TMEM74: variants seen among roughly 807,000 people sequenced by gnomAD.
The protein encoded by TMEM74 is transmembrane protein 74.
Under a neutral mutation model 18.1 loss-of-function variants are expected in TMEM74, and 13 were observed. That is an observed-to-expected ratio of 0.72 (90% CI 0.47 to 1.14). The LOEUF (loss-of-function observed/expected upper bound fraction) is 1.14. TMEM74 is among the 50% of genes most tolerant of loss of function. TMEM74 has a pLI of 0.00. For missense variants in TMEM74, 372 were observed against 375.9 expected, an observed-to-expected ratio of 0.99 and a Z score of 0.09; for synonymous variants, 159 against 146.6, an observed-to-expected ratio of 1.08 and a Z score of -0.61.
intron 1 of TMEM74, among the ~76,000 whole-genome samples, chr8:108,771,966 T>C (rs1814178140): frequency 6.6e-6 from 1 of 152,076 alleles, no homozygotes; most frequent in African/African-American, 2.4e-5. Context: ...TAAATGTTGC[T>C]TTAAAAAAAA....
At chr8:108,732,797 G>GTA (rs1813709265) in intron 1 of TMEM74, among the ~76,000 whole-genome samples, 14 of 105,322 alleles carry the variant, frequency 1.3e-4, no homozygotes, top group African/African-American at 4.5e-4. Context: ...ATATATATAT[G>GTA]TATATATATG....
intron 1 of TMEM74, among the ~76,000 whole-genome samples, chr8:108,754,665 AGGT>A (rs1813938806): frequency 1.3e-5 from 2 of 151,610 alleles, no homozygotes; most frequent in Admixed American, 1.3e-4. Context: ...GTAGGTAGCT[AGGT>A]AGCTAGGTAG....
chr8:108,701,547 T>G (rs547835191), intron 1 of TMEM74, among the ~76,000 whole-genome samples: 1 of 152,344 alleles, frequency 6.6e-6, no homozygotes, highest in East Asian at 1.9e-4. Context: ...ACAGAAAGAT[T>G]GTAGTATACA....
Position 108,780,330 on chromosome 8 carries a change from C to T in TMEM74, c.*3851G>A, listed in dbSNP as rs1407770063. On this transcript the variant is annotated 3_prime_UTR_variant, in exon 2 of 2. Coordinates refer to ENST00000297459, the MANE Select transcript of TMEM74 (RefSeq NM_153015.3). ...TAATCCAAGTAAAATTTTGCATACA[C>T]CTATCATTGCACACGTGAAAGATGA... Among the ~76,000 whole-genome samples the T allele has an allele frequency of 6.6e-6, 1 of 152,136 alleles. No homozygotes were observed. Among genetic ancestry groups the T allele is most frequent in the Non-Finnish European group, 1.5e-5 (1 of 68,020 alleles).
chr8:108,678,216 G>A (rs1374077283), intron 1 of TMEM74, among the ~76,000 whole-genome samples: 1 of 152,066 alleles, frequency 6.6e-6, no homozygotes, highest in African/African-American at 2.4e-5. Flanking sequence ...AGGATATTAG[G>A]TGAAAAGTGC....
chr8:108,762,830 C>G (rs989260666), intron 1 of TMEM74, among the ~76,000 whole-genome samples: 7 of 151,910 alleles, frequency 4.6e-5, no homozygotes, highest in Non-Finnish European at 7.4e-5. Context: ...TGCTTGAGAC[C>G]AGAAGTTTGA....
At chr8:108,618,522 T>C (rs1812408301) in intron 2 of TMEM74, among the ~76,000 whole-genome samples, 1 of 152,198 alleles carries the variant, frequency 6.6e-6, no homozygotes, top group Non-Finnish European at 1.5e-5. Flanking sequence ...TATTGGTTTG[T>C]GTACTATATG....
chr8:108,657,965 A>G (rs1348898603), intron 1 of TMEM74, among the ~76,000 whole-genome samples: 2 of 147,950 alleles, frequency 1.4e-5, no homozygotes, highest in African/African-American at 2.5e-5. Flanking sequence ...GGAAGTCAGC[A>G]TAAATTAAAA....
intron 2 of TMEM74, among the ~76,000 whole-genome samples, chr8:108,651,922 T>G (rs1333569168): frequency 6.6e-6 from 1 of 151,636 alleles, no homozygotes; most frequent in Non-Finnish European, 1.5e-5. Flanking sequence ...ATACACCCAG[T>G]GTTACGACCA....
chr8:108,637,681 G>A (rs1812620814), intron 2 of TMEM74, among the ~76,000 whole-genome samples: 1 of 152,112 alleles, frequency 6.6e-6, no homozygotes. Flanking sequence ...TTCTCTTCTA[G>A]AGCCTACAGA....
chr8:108,767,590 G>A (rs1422912637), intron 1 of TMEM74, among the ~76,000 whole-genome samples: 1 of 152,128 alleles, frequency 6.6e-6, no homozygotes, highest in African/African-American at 2.4e-5. Context: ...GTGTCAAGAA[G>A]TGTTTCTCTC....
chr8:108,658,543 A>G (rs1248763810), intron 1 of TMEM74, among the ~76,000 whole-genome samples: 2 of 152,174 alleles, frequency 1.3e-5, no homozygotes, highest in African/African-American at 4.8e-5. Flanking sequence ...GATGTCTTCC[A>G]CAAAGAGGAA....
At chr8:108,758,414 T>C (rs1272036481) in intron 1 of TMEM74, among the ~76,000 whole-genome samples, 3 of 152,058 alleles carry the variant, frequency 2.0e-5, no homozygotes, top group East Asian at 1.9e-4. Flanking sequence ...GAAGGATAGA[T>C]ACATGTAAAG....
intron 1 of TMEM74, among the ~76,000 whole-genome samples, chr8:108,719,008 A>C (rs1813558646): frequency 6.6e-6 from 1 of 151,544 alleles, no homozygotes; most frequent in Admixed American, 6.6e-5. Flanking sequence ...ATATACACAT[A>C]TATATATATT....
intron 1 of TMEM74, among the ~76,000 whole-genome samples, chr8:108,694,069 G>A (rs1296750017): frequency 6.6e-6 from 1 of 152,228 alleles, no homozygotes; most frequent in African/African-American, 2.4e-5. Flanking sequence ...TGCATAGAAT[G>A]TATAGTGGTG....
intron 1 of TMEM74, among the ~76,000 whole-genome samples, chr8:108,785,835 G>A (rs746355244): frequency 1.6e-4 from 24 of 152,134 alleles, no homozygotes; most frequent in Non-Finnish European, 2.9e-4. Flanking sequence ...CTTATTCACT[G>A]TGCTTCCACT....
chr8:108,643,726 C>G (rs563035458), intron 2 of TMEM74, among the ~76,000 whole-genome samples: 2 of 149,524 alleles, frequency 1.3e-5, no homozygotes, highest in East Asian at 4.0e-4. Flanking sequence ...AAAACGAAAG[C>G]AAGAATGCAT....
At position 108,704,366 on chromosome 8, in the gene TMEM74, G is replaced by A. The variant is rs898099321; in HGVS notation, n.120-48929C>T. Among the ~76,000 whole-genome samples the A allele has an allele frequency of 5.3e-5, 8 of 152,234 alleles. No individual in the cohort carries two copies. In the South Asian group the frequency reaches 1.0e-3, roughly 20 times the overall value. On this transcript the variant is annotated intron_variant and non_coding_transcript_variant, in intron 1 of 3. Transcript: ENST00000518838. Reference sequence around the variant, plus strand: ...CCTATTTCCTGTTTTATAGTGTAGCGATAGGCAGGCTCACCTTGAGAACCC... The same window carrying A: ...CCTATTTCCTGTTTTATAGTGTAGCAATAGGCAGGCTCACCTTGAGAACCC...
At chr8:108,722,345 C>T (rs532517035) in intron 1 of TMEM74, among the ~76,000 whole-genome samples, 2 of 152,178 alleles carry the variant, frequency 1.3e-5, no homozygotes, top group African/African-American at 2.4e-5. Flanking sequence ...AGCAACTAAC[C>T]CTGGATCTTT....
Sources: allele counts gnomAD v4.1 joint callset (sites outside exome capture counted in the v4.1 genomes callset), GRCh38; gene constraint gnomAD v4.1.1; transcripts MANE v1.5; gene names NCBI Gene and HGNC (gene_info 2026-07-23, HGNC 2026-07-21).